ADAMTS6: variants seen among roughly 807,000 people sequenced by gnomAD.
ADAMTS6 encodes A disintegrin and metalloproteinase with thrombospondin motifs 6.
ADAMTS6 carries 23 observed loss-of-function variants against 144.3 expected under a neutral mutation model. The ratio of observed to expected loss-of-function variants is 0.16; its 90% CI spans 0.11 to 0.23. The LOEUF (loss-of-function observed/expected upper bound fraction) is 0.23, where lower values mean the gene tolerates loss of function less well. Among genes scored for constraint, ADAMTS6 ranks in the 10% least tolerant of loss-of-function variants. ADAMTS6 has a pLI of 1.00. For missense variants in ADAMTS6, 999 were observed against 1,379.6 expected (o/e 0.72, Z 4.37); for synonymous variants, 444 against 457.5 (o/e 0.97, Z 0.38).
intron 7 of ADAMTS6, among the ~76,000 whole-genome samples, chr5:65,395,653 T>G (rs921534932): frequency 1.1e-4 from 17 of 152,276 alleles, no homozygotes; most frequent in African/African-American, 4.1e-4. Context: ...ATTGGAATAG[T>G]TCCATCTCCT....
At chr5:65,407,489 T>G (rs1185423898) in intron 7 of ADAMTS6, among the ~76,000 whole-genome samples, 1 of 75,644 alleles carries the variant, frequency 1.3e-5, no homozygotes, top group Non-Finnish European at 2.5e-5. Context: ...CCCTCCTCCC[T>G]CCCCCCACCC....
chr5:65,315,663 C>A (rs1744915173), intron 9 of ADAMTS6, among the ~76,000 whole-genome samples: 1 of 143,438 alleles, frequency 7.0e-6, no homozygotes, highest in Admixed American at 6.7e-5. Flanking sequence ...AAAGATATAC[C>A]ATGCTAACAC....
At chr5:65,421,856 T>G (rs1261888958) in intron 7 of ADAMTS6, among the ~76,000 whole-genome samples, 2 of 152,160 alleles carry the variant, frequency 1.3e-5, no homozygotes, top group Non-Finnish European at 2.9e-5. Context: ...ACTATAAAAT[T>G]TCTAGAAGAA....
At chr5:65,398,790 A>AAGAG (rs1753601184) in intron 7 of ADAMTS6, among the ~76,000 whole-genome samples, 5 of 23,106 alleles carry the variant, frequency 2.2e-4, no homozygotes, top group African/African-American at 6.5e-4. Context: ...GCAAGAAAGA[A>AAGAG]AGAAAGAAAG....
rs191929365 is a variant in ADAMTS6, at chr5:65,370,803, G to C, written c.1074-36718C>G. Among the ~76,000 whole-genome samples the C allele has an allele frequency of 2.5e-3, 387 of 152,368 alleles. 1 individual carries two copies. Among genetic ancestry groups the C allele is most frequent in the Admixed American group, 8.4e-3 (129 of 15,310 alleles). ...TCAAGGAGGCCTGCCTGCCTCTGTA[G>C]GCTCCACCTCTGGGGGCAGGGCAAG... On this transcript the variant is annotated intron_variant, in intron 7 of 24. Transcript: ENST00000381055.
At chr5:65,398,003 T>C (rs1417813498) in intron 7 of ADAMTS6, among the ~76,000 whole-genome samples, 3 of 152,282 alleles carry the variant, frequency 2.0e-5, no homozygotes, top group East Asian at 3.9e-4. Flanking sequence ...TTGTATGATA[T>C]CTATTCTTTT....
chr5:65,348,797 T>A (rs1748582378), intron 7 of ADAMTS6, among the ~76,000 whole-genome samples: 1 of 152,004 alleles, frequency 6.6e-6, no homozygotes, highest in Admixed American at 6.6e-5. Context: ...AAAAATTTTA[T>A]AACTTGTCAA....
intron 7 of ADAMTS6, among the ~76,000 whole-genome samples, chr5:65,377,908 G>T (rs2150130591): frequency 6.6e-6 from 1 of 152,228 alleles, no homozygotes; most frequent in Non-Finnish European, 1.5e-5. Context: ...GCCTTTTCTG[G>T]CTACTGTTTT....
At chr5:65,226,720 T>C (rs1026551415) in intron 15 of ADAMTS6, among the ~76,000 whole-genome samples, 3 of 151,918 alleles carry the variant, frequency 2.0e-5, no homozygotes, top group Non-Finnish European at 4.4e-5. Context: ...GTAGCTGGGA[T>C]TACAGGCACC....
intron 7 of ADAMTS6, among the ~76,000 whole-genome samples, chr5:65,413,961 T>G (rs1346642094): frequency 6.6e-6 from 1 of 152,158 alleles, no homozygotes; most frequent in Non-Finnish European, 1.5e-5. Context: ...TTGAATATGT[T>G]AAACTGAACG....
At chr5:65,390,989 C>T (rs1340042624) in intron 7 of ADAMTS6, among the ~76,000 whole-genome samples, 1 of 150,566 alleles carries the variant, frequency 6.6e-6, no homozygotes, top group Non-Finnish European at 1.5e-5. Context: ...CACTTTGTCA[C>T]CCTCACCCAG....
intron 10 of ADAMTS6, among the ~76,000 whole-genome samples, chr5:65,295,177 T>C (rs1364346989): frequency 6.6e-6 from 1 of 152,154 alleles, no homozygotes; most frequent in Non-Finnish European, 1.5e-5. Flanking sequence ...ATATGAACAC[T>C]TTTTGTATGT....
At chr5:65,475,006 CTGTTAG>C (rs1223662785) in intron 1 of ADAMTS6, among the ~76,000 whole-genome samples, 1 of 151,776 alleles carries the variant, frequency 6.6e-6, no homozygotes, top group African/African-American at 2.4e-5. Context: ...AGGTAAGTTA[CTGTTAG>C]TAAGTTAGGA....
chr5:65,438,925 G>GA (rs1456322379), intron 7 of ADAMTS6, among the ~76,000 whole-genome samples: 4 of 152,142 alleles, frequency 2.6e-5, no homozygotes, highest in African/African-American at 7.2e-5. Context: ...AGATTAAGAG[G>GA]AGACAATCTA....
intron 7 of ADAMTS6, among the ~76,000 whole-genome samples, chr5:65,403,389 G>A (rs985634394): frequency 1.5e-4 from 23 of 151,820 alleles, no homozygotes; most frequent in African/African-American, 5.1e-4. Flanking sequence ...TTTTAACTCC[G>A]TTTCTATCTT....
rs988273173 is a variant in ADAMTS6 at position 65,240,490 on chromosome 5, C to A, written c.1933+1614G>T. ...TATGGACTGAATGTTTGTGTCCCCC[C>A]AAAACCCGTATGTTGAAATCTTAAT... On this transcript the variant is annotated intron_variant, in intron 15 of 24. Transcript: ENST00000381055. 2.6e-5 allele frequency among the ~76,000 whole-genome samples: 4 copies of A among 152,210 alleles called. No homozygotes were observed. The East Asian group carries it at 7.7e-4, about 29-fold the overall frequency.
At chr5:65,346,433 C>T (rs1748323267) in intron 7 of ADAMTS6, among the ~76,000 whole-genome samples, 1 of 151,726 alleles carries the variant, frequency 6.6e-6, no homozygotes, top group Admixed American at 6.6e-5. Flanking sequence ...AATAATCTTT[C>T]ATGGTAAAAA....
At chr5:65,251,162 A>G (rs1416959136) in intron 14 of ADAMTS6, 1 of 152,282 alleles carries the variant, frequency 6.6e-6, no homozygotes, top group African/African-American at 2.4e-5. Flanking sequence ...CTAAGCAAAC[A>G]TTTTTCAGAA....
chr5:65,266,901 TATTTA>T (rs1400484459), intron 12 of ADAMTS6, among the ~76,000 whole-genome samples: 5 of 151,974 alleles, frequency 3.3e-5, no homozygotes, highest in Non-Finnish European at 5.9e-5. Flanking sequence ...AGAAGAAACT[TATTTA>T]ATTAACAAAA....
Sources: allele counts gnomAD v4.1 joint callset (sites outside exome capture counted in the v4.1 genomes callset), GRCh38; gene constraint gnomAD v4.1.1; transcripts MANE v1.5; gene names NCBI Gene and HGNC (gene_info 2026-07-23, HGNC 2026-07-21).